RBFOX3: variants seen among roughly 807,000 people sequenced by gnomAD.
RBFOX3 encodes RNA binding fox-1 homolog 3, also known as RNA binding protein fox-1 homolog 3.
In RBFOX3, 17 loss-of-function variants were observed where a neutral mutation model predicts 48.7. The observed-to-expected ratio is 0.35, with a 90% CI of 0.24 to 0.52. The LOEUF (loss-of-function observed/expected upper bound fraction) is 0.52, where lower values mean the gene tolerates loss of function less well. Ranked by LOEUF, RBFOX3 falls within the 20% of genes least tolerant of loss-of-function variation. The pLI is 0.94. For missense variants in RBFOX3, 382 were observed against 497.5 expected, an observed-to-expected ratio of 0.77 and a Z score of 2.21; for synonymous variants, 212 against 209.5, an observed-to-expected ratio of 1.01 and a Z score of -0.10.
At chr17:79,316,267 T>TCGA (rs1327756652) in intron 2 of RBFOX3, among the ~76,000 whole-genome samples, 1 of 152,136 alleles carries the variant, frequency 6.6e-6, no homozygotes, top group Non-Finnish European at 1.5e-5. Flanking sequence ...CAGGATCCTG[T>TCGA]TTCGGGAAGA....
intron 3 of RBFOX3, among the ~76,000 whole-genome samples, chr17:79,277,291 C>A (rs960368193): frequency 2.9e-5 from 2 of 69,822 alleles, no homozygotes; most frequent in Non-Finnish European, 6.4e-5. Context: ...TCCAAGGATT[C>A]CAATGGTGGG....
intron 3 of RBFOX3, among the ~76,000 whole-genome samples, chr17:79,237,037 AC>A (rs1355153621): frequency 6.6e-6 from 1 of 152,198 alleles, no homozygotes; most frequent in African/African-American, 2.4e-5. Flanking sequence ...GTGCATTCAC[AC>A]TGCTGTCAAT....
chr17:79,620,433 A>G, the RBFOX3 span, among the ~76,000 whole-genome samples: 23 of 144,460 alleles, frequency 1.6e-4, no homozygotes, highest in South Asian at 1.3e-3. Flanking sequence ...ACGCACGTGC[A>G]CACATGCACA....
At chr17:79,574,966 G>T (rs1309879083) in intron 1 of RBFOX3, among the ~76,000 whole-genome samples, 1 of 152,248 alleles carries the variant, frequency 6.6e-6, no homozygotes, top group East Asian at 1.9e-4. Context: ...CCTGCGTGAT[G>T]CCGCTGCTGG....
intron 1 of RBFOX3, among the ~76,000 whole-genome samples, chr17:79,509,512 A>G (rs2083765983): frequency 6.6e-6 from 1 of 152,154 alleles, no homozygotes; most frequent in Non-Finnish European, 1.5e-5. Flanking sequence ...GTCTGAGTCC[A>G]GGGCAGGCAG....
At chr17:79,544,942 T>C (rs1242420130) in intron 1 of RBFOX3, among the ~76,000 whole-genome samples, 2 of 120,310 alleles carry the variant, frequency 1.7e-5, no homozygotes, top group East Asian at 2.4e-4. Context: ...AATAAAAACA[T>C]GCTACCACCA....
At chr17:79,430,773 G>T (rs1174191672) in intron 2 of RBFOX3, among the ~76,000 whole-genome samples, 2 of 152,218 alleles carry the variant, frequency 1.3e-5, no homozygotes, top group Non-Finnish European at 2.9e-5. Flanking sequence ...TCAAACTCCT[G>T]ACCTCAGATG....
At chr17:79,147,135 T>C (rs9904041) in intron 4 of RBFOX3, among the ~76,000 whole-genome samples, 3,156 of 152,266 alleles carry the variant, frequency 0.021, 112 homozygotes, top group African/African-American at 0.072. Flanking sequence ...GACCCTCCAA[T>C]TCCAAGGCTG....
Position 79,473,473 on chromosome 17 carries a change from G to A in RBFOX3, c.-175+8981C>T, listed in dbSNP as rs925186791. ...CTGCTCACATGTGTCATTCAGGGAC[G>A]TCAGCCTGATGGATTTCCAGGCCTT... On this transcript the variant is annotated intron_variant, in intron 2 of 14. Transcript: ENST00000693108. The surrounding 1 kb of genome is among the most constrained non-coding windows in gnomAD (Gnocchi z 4.2). 8.5e-5 allele frequency among the ~76,000 whole-genome samples: 13 copies of A among 152,224 alleles called. No homozygotes were observed. The highest frequency in any genetic ancestry group is 1.6e-4 in the Non-Finnish European group (11 of 68,042).
intron 2 of RBFOX3, among the ~76,000 whole-genome samples, chr17:79,446,756 A>G (rs1415659598): frequency 4.4e-5 from 5 of 113,256 alleles, no homozygotes; most frequent in African/African-American, 5.2e-5. Flanking sequence ...CACACGGCCT[A>G]TGGGGCAGCC....
Position 79,477,124 on chromosome 17 carries a change from T to C in RBFOX3, c.-175+5330A>G, listed in dbSNP as rs768137981. Among the ~76,000 whole-genome samples, 62 of 150,236 alleles carry C rather than the reference T, an allele frequency of 4.1e-4. No homozygotes were observed. Among genetic ancestry groups the C allele is most frequent in the Non-Finnish European group, 7.1e-4 (48 of 67,698 alleles). On this transcript the variant is annotated intron_variant, in intron 2 of 14. Coordinates refer to ENST00000693108, the MANE Select transcript of RBFOX3 (RefSeq NM_001350451.2). This position sits in a 1 kb window ranked among gnomAD's most constrained non-coding sequence, Gnocchi z 4.8. Reference sequence around the variant, plus strand: ...GGTGGGCGCCTGTAATCCCAGTTACTCGGGAAGCTGAGGCAGGAGAATCTC... The same window carrying C: ...GGTGGGCGCCTGTAATCCCAGTTACCCGGGAAGCTGAGGCAGGAGAATCTC...
At chr17:79,433,675 A>ACCCAGCCCAG (rs143941362) in intron 2 of RBFOX3, among the ~76,000 whole-genome samples, 8 of 151,748 alleles carry the variant, frequency 5.3e-5, no homozygotes, top group Non-Finnish European at 1.0e-4. Context: ...CAGCTGCAGC[A>ACCCAGCCCAG]CCCAGCCCAG....
chr17:79,391,820 G>A lies in RBFOX3; in HGVS notation c.-174-83996C>T, dbSNP rs1290969443. ...AGAACCAGTACGCATGTGTTTGGGG[G>A]ACAGCACACCCCCGCTCTGATCCTC... On this transcript the variant is annotated intron_variant, in intron 2 of 14. Transcript: ENST00000693108. This position sits in a 1 kb window ranked among gnomAD's most constrained non-coding sequence, Gnocchi z 5.0. Among the ~76,000 whole-genome samples, 1 of 152,030 alleles carries A rather than the reference G, an allele frequency of 6.6e-6. No homozygotes were observed. The highest frequency in any genetic ancestry group is 2.4e-5 in the African/African-American group (1 of 41,384).
intron 4 of RBFOX3, among the ~76,000 whole-genome samples, chr17:79,224,271 G>A (rs1187002598): frequency 6.6e-6 from 1 of 152,160 alleles, no homozygotes; most frequent in Non-Finnish European, 1.5e-5. Context: ...AGCTGTCATG[G>A]TCAGGAAGTT....
intron 1 of RBFOX3, among the ~76,000 whole-genome samples, chr17:79,557,810 G>C (rs1163710209): frequency 5.3e-5 from 8 of 152,190 alleles, no homozygotes; most frequent in Admixed American, 2.6e-4. Context: ...CAAGGCCCCA[G>C]TTTTGTTTAA....
At chr17:79,268,352 A>G (rs898522) in intron 3 of RBFOX3, among the ~76,000 whole-genome samples, 119,348 of 151,994 alleles carry the variant, frequency 0.79, 48,675 homozygotes, top group East Asian at 0.92. Context: ...TCCCCTGGGC[A>G]TGACCGACAT....
At chr17:79,629,950 C>T in the RBFOX3 span, among the ~76,000 whole-genome samples, 2 of 152,186 alleles carry the variant, frequency 1.3e-5, no homozygotes, top group Non-Finnish European at 2.9e-5. Context: ...CTGGGCCTGG[C>T]AGTGGTTTCC....
chr17:79,286,128 A>C (rs1473517140), intron 3 of RBFOX3, among the ~76,000 whole-genome samples: 3 of 152,198 alleles, frequency 2.0e-5, no homozygotes, highest in African/African-American at 7.2e-5. Context: ...AGTCTATTGC[A>C]AATAAATGTC....
intron 5 of RBFOX3, among the ~76,000 whole-genome samples, chr17:79,109,529 T>C (rs1393929419): frequency 1.3e-5 from 2 of 152,232 alleles, no homozygotes; most frequent in Non-Finnish European, 2.9e-5. Flanking sequence ...AGCAAGCCTA[T>C]GCTAGACCTC....
Sources: allele counts gnomAD v4.1 joint callset (sites outside exome capture counted in the v4.1 genomes callset), GRCh38; gene constraint gnomAD v4.1.1; non-coding constraint Gnocchi (gnomAD v3.1); transcripts MANE v1.5; gene names NCBI Gene and HGNC (gene_info 2026-07-23, HGNC 2026-07-21).